The following C16orf74 variants were observed in gnomAD, a reference collection of about 807,000 sequenced individuals.
C16orf74 encodes uncharacterized protein C16orf74.
A neutral mutation model predicts 6.5 loss-of-function variants in C16orf74; 10 were observed. The ratio of observed to expected loss-of-function variants is 1.54; its 90% CI spans 0.95 to 2.61. The LOEUF (loss-of-function observed/expected upper bound fraction) is 2.61. Among genes scored for constraint, C16orf74 ranks in the 30% most tolerant of loss-of-function variants. The pLI, the probability that C16orf74 is intolerant of heterozygous loss-of-function variation, is 0.00. For synonymous variants in C16orf74, 60 were observed against 42.5 expected (o/e 1.41, Z -1.60); for missense variants, 141 against 105.9 (o/e 1.33, Z -1.45).
chr16:85,736,820 G>C (rs12444916), intron 1 of C16orf74, among the ~76,000 whole-genome samples: 1 of 152,168 alleles, frequency 6.6e-6, no homozygotes, highest in East Asian at 1.9e-4. Flanking sequence ...TTGGGAGGCC[G>C]AGGTGCGTGG....
chr16:85,750,693 G>A (rs1288991955), intron 1 of C16orf74, among the ~76,000 whole-genome samples: 1 of 152,170 alleles, frequency 6.6e-6, no homozygotes, highest in Non-Finnish European at 1.5e-5. Flanking sequence ...CGTGCAAGTT[G>A]CAGCGCGGCC....
intron 2 of C16orf74, among the ~76,000 whole-genome samples, chr16:85,723,085 CCT>C (rs1444664853): frequency 1.3e-5 from 2 of 151,426 alleles, no homozygotes; most frequent in Non-Finnish European, 2.9e-5. Flanking sequence ...ATGATGAAAC[CCT>C]GTTTCTACTA....
chr16:85,722,392 A>G (rs1484298590), intron 2 of C16orf74, among the ~76,000 whole-genome samples: 1 of 152,224 alleles, frequency 6.6e-6, no homozygotes, highest in Non-Finnish European at 1.5e-5. Flanking sequence ...CCAGGGGAAC[A>G]TGGGCCCTGT....
chr16:85,737,595 C>G (rs1251764422), intron 1 of C16orf74, among the ~76,000 whole-genome samples: 1 of 152,068 alleles, frequency 6.6e-6, no homozygotes, highest in Non-Finnish European at 1.5e-5. Flanking sequence ...TTTGGGAGGC[C>G]GAGGTGGGCA....
At chr16:85,729,353 GGC>G (rs1428162874) in intron 2 of C16orf74, among the ~76,000 whole-genome samples, 2 of 152,218 alleles carry the variant, frequency 1.3e-5, no homozygotes, top group African/African-American at 4.8e-5. Flanking sequence ...CAGTCACCAT[GGC>G]CAGGCCCTTG....
intron 2 of C16orf74, among the ~76,000 whole-genome samples, chr16:85,733,936 G>A (rs1379421284): frequency 2.0e-5 from 3 of 152,204 alleles, no homozygotes; most frequent in African/African-American, 7.2e-5. Context: ...AAAGGGGCGG[G>A]CCTAAGACCT....
At chr16:85,716,606 C>G (rs1336562508) in intron 2 of C16orf74, among the ~76,000 whole-genome samples, 1 of 137,770 alleles carries the variant, frequency 7.3e-6, no homozygotes, top group Non-Finnish European at 1.5e-5. Context: ...GGAGGAAAGA[C>G]AGGGCAGGAA....
chr16:85,717,148 C>T (rs553933656), intron 2 of C16orf74, among the ~76,000 whole-genome samples: 176 of 152,318 alleles, frequency 1.2e-3, no homozygotes, highest in African/African-American at 4.1e-3. Context: ...GCAGACCAGA[C>T]CACAGAACCC....
chr16:85,730,353 C>G (rs2054175136), intron 2 of C16orf74, among the ~76,000 whole-genome samples: 1 of 152,136 alleles, frequency 6.6e-6, no homozygotes. Context: ...CCTTGGTCCT[C>G]AACTTCCCTA....
intron 2 of C16orf74, among the ~76,000 whole-genome samples, chr16:85,720,795 G>A (rs1268634615): frequency 6.7e-6 from 1 of 149,778 alleles, no homozygotes; most frequent in Non-Finnish European, 1.5e-5. Context: ...AAAAAAAGCG[G>A]TTGGGGGTGG....
chr16:85,710,714 C>T (rs990978619), intron 2 of C16orf74: 18 of 166,810 alleles, frequency 1.1e-4, no homozygotes, highest in African/African-American at 7.2e-5. Flanking sequence ...GGGGCCCCTT[C>T]GTGCCTTTGC....
At chr16:85,734,430 G>A (rs187030556) in intron 2 of C16orf74, among the ~76,000 whole-genome samples, 1 of 152,318 alleles carries the variant, frequency 6.6e-6, no homozygotes, top group Admixed American at 6.5e-5. Context: ...GGTGGCCTCT[G>A]CCTGGAAGGG....
rs150032889 is a variant in C16orf74 at position 85,709,495 on chromosome 16, G to GTTGTTATTATTA, written c.172+668_172+669insTAATAATAACAA. On this transcript the variant is annotated intron_variant, in intron 3 of 3. Transcript: ENST00000284245. ...GCTACCTATCATGACCATCCCCAAT[G>GTTGTTATTATTA]TTATTATTATTATTATTATTATTAT... Among the ~76,000 whole-genome samples the GTTGTTATTATTA allele has an allele frequency of 6.4e-3, 947 of 147,410 alleles. 12 individuals are homozygous for GTTGTTATTATTA. Among genetic ancestry groups the GTTGTTATTATTA allele is most frequent in the African/African-American group, 0.023 (900 of 39,578 alleles).
Position 85,719,789 on chromosome 16 carries a change from G to A in C16orf74, c.29-9482C>T, listed in dbSNP as rs111314340. Among the ~76,000 whole-genome samples the A allele has an allele frequency of 5.6e-3, 843 of 149,490 alleles. 2 individuals carry two copies. Among genetic ancestry groups the A allele is most frequent in the African/African-American group, 0.02 (782 of 39,154 alleles). On this transcript the variant is annotated intron_variant, in intron 2 of 3. Transcript: ENST00000284245. ...AAAGGCCCTGAGGCAGGAACAGAGG[G>A]GCCACAGGCCACAGCACACACAAAG... is the stretch of plus-strand genomic sequence containing the variant.
At chr16:85,734,280 C>T (rs1204436990) in intron 2 of C16orf74, among the ~76,000 whole-genome samples, 1 of 152,136 alleles carries the variant, frequency 6.6e-6, no homozygotes, top group Non-Finnish European at 1.5e-5. Flanking sequence ...GAGACGGGTC[C>T]GCCATGATCC....
At position 85,729,786 on chromosome 16, in the gene C16orf74, G is replaced by A. The variant is rs1237523085; in HGVS notation, c.28+5404C>T. 2.0e-5 allele frequency among the ~76,000 whole-genome samples: 3 copies of A among 152,278 alleles called. No homozygotes were observed. In the East Asian group the frequency reaches 5.8e-4, roughly 29 times the overall value. On this transcript the variant is annotated intron_variant, in intron 2 of 3. Coordinates refer to ENST00000284245, the MANE Select transcript of C16orf74 (RefSeq NM_206967.3). The stretch of plus-strand genomic sequence containing the variant: ...CCACGTGAAGACAGAGGCAGAGACT[G>A]GACCCAGGAGGCCTGAAGCTATCAG...
At chr16:85,740,677 G>A (rs1328618417) in intron 1 of C16orf74, among the ~76,000 whole-genome samples, 3 of 129,428 alleles carry the variant, frequency 2.3e-5, no homozygotes, top group African/African-American at 8.9e-5. Flanking sequence ...GGGGCACAGA[G>A]CGAGACTCTG....
At chr16:85,747,736 T>C (rs1013778432) in intron 1 of C16orf74, among the ~76,000 whole-genome samples, 3 of 152,210 alleles carry the variant, frequency 2.0e-5, no homozygotes, top group East Asian at 1.9e-4. Flanking sequence ...GTAGTTGGTC[T>C]ACAGCTTGGT....
At chr16:85,732,962 AGGG>A (rs2054205860) in intron 2 of C16orf74, among the ~76,000 whole-genome samples, 1 of 152,014 alleles carries the variant, frequency 6.6e-6, no homozygotes, top group Non-Finnish European at 1.5e-5. Context: ...TTCACTCGTG[AGGG>A]GCCGAGGGTG....
Sources: allele counts gnomAD v4.1 joint callset (sites outside exome capture counted in the v4.1 genomes callset), GRCh38; gene constraint gnomAD v4.1.1; transcripts MANE v1.5; gene names NCBI Gene and HGNC (gene_info 2026-07-23, HGNC 2026-07-21).